PREX1: variants seen among roughly 807,000 people sequenced by gnomAD.
PREX1 encodes the protein phosphatidylinositol-3,4,5-trisphosphate dependent Rac exchange factor 1, also known as phosphatidylinositol 3,4,5-trisphosphate-dependent Rac exchanger 1 protein.
Under a neutral mutation model 198.3 loss-of-function variants are expected in PREX1, and 41 were observed. The ratio of observed to expected loss-of-function variants is 0.21; its 90% CI spans 0.16 to 0.27. PREX1 has a LOEUF of 0.27. PREX1 is among the 10% of genes least tolerant of loss of function. PREX1 has a pLI of 1.00. For synonymous variants in PREX1, 843 were observed against 887.2 expected, an observed-to-expected ratio of 0.95 and a Z score of 0.89; for missense variants, 1,620 against 2,200.7, an observed-to-expected ratio of 0.74 and a Z score of 5.28.
chr20:48,813,004 G>T (rs901336811), intron 1 of PREX1, among the ~76,000 whole-genome samples: 3 of 152,236 alleles, frequency 2.0e-5, no homozygotes, highest in Admixed American at 2.0e-4. Flanking sequence ...TTTCTAAAAT[G>T]AGCGCAGTAA....
chr20:48,674,120 C>A (rs1288937302), intron 14 of PREX1, among the ~76,000 whole-genome samples: 1 of 152,176 alleles, frequency 6.6e-6, no homozygotes, highest in African/African-American at 2.4e-5. Context: ...AGCAGCTCTG[C>A]CCTTCACAGA....
chr20:48,837,010 G>C, the PREX1 span, among the ~76,000 whole-genome samples: 9 of 151,884 alleles, frequency 5.9e-5, 1 homozygote, highest in Non-Finnish European at 1.2e-4. Context: ...AAGTGAAAAG[G>C]AGTTCCTTCC....
At chr20:48,743,646 A>G (rs2090092655) in intron 3 of PREX1, among the ~76,000 whole-genome samples, 1 of 152,260 alleles carries the variant, frequency 6.6e-6, no homozygotes, top group Non-Finnish European at 1.5e-5. Flanking sequence ...CTGTGCCAGG[A>G]GCTGCACTGA....
At chr20:48,828,438 G>T (rs191216833), upstream of PREX1, among the ~76,000 whole-genome samples, 1 of 152,228 alleles carries the variant, frequency 6.6e-6, no homozygotes, top group East Asian at 1.9e-4. Context: ...TAAACACCGG[G>T]CTGGGAAAGC....
At chr20:48,626,535 G>T (rs2089273888) in intron 39 of PREX1, among the ~76,000 whole-genome samples, 1 of 152,238 alleles carries the variant, frequency 6.6e-6, no homozygotes, top group African/African-American at 2.4e-5. Flanking sequence ...GGCTCACAGG[G>T]CAGCTGTTTG....
At chr20:48,785,382 A>G (rs774029470) in intron 1 of PREX1, among the ~76,000 whole-genome samples, 1 of 152,134 alleles carries the variant, frequency 6.6e-6, no homozygotes, top group Non-Finnish European at 1.5e-5. Context: ...CCCAGAGGAC[A>G]CCTTTAGGGC....
intron 1 of PREX1, among the ~76,000 whole-genome samples, chr20:48,818,895 C>T (rs556356448): frequency 6.6e-6 from 1 of 152,318 alleles, no homozygotes; most frequent in African/African-American, 2.4e-5. Flanking sequence ...GATGGGGGCC[C>T]AAACTCCTCT....
intron 5 of PREX1, among the ~76,000 whole-genome samples, chr20:48,710,599 T>C (rs1219685098): frequency 6.6e-6 from 1 of 152,196 alleles, no homozygotes; most frequent in Non-Finnish European, 1.5e-5. Context: ...GACTCCAGAG[T>C]TTGTGCTCTA....
intron 1 of PREX1, among the ~76,000 whole-genome samples, chr20:48,791,852 T>C (rs1268694326): frequency 2.0e-5 from 3 of 152,210 alleles, no homozygotes; most frequent in Non-Finnish European, 4.4e-5. Flanking sequence ...AGTGATTTCA[T>C]ACCAAAAACT....
intron 1 of PREX1, among the ~76,000 whole-genome samples, chr20:48,761,407 C>G (rs921553749): frequency 6.6e-6 from 1 of 152,208 alleles, no homozygotes; most frequent in Non-Finnish European, 1.5e-5. Flanking sequence ...ACCCAGCACA[C>G]AGCAGACCCT....
At chr20:48,632,757 G>T in intron 33 of PREX1, 118 bp from the exon 34 acceptor site, 1 of 1,135,160 alleles carries the variant, frequency 8.8e-7, no homozygotes, top group Non-Finnish European at 1.3e-6. Flanking sequence ...GGGGCACCCT[G>T]GGACCTCCCT....
chr20:48,701,272 C>A (rs1316023550), intron 6 of PREX1, among the ~76,000 whole-genome samples: 4 of 152,110 alleles, frequency 2.6e-5, no homozygotes, highest in African/African-American at 4.8e-5. Context: ...AGTGCAATGG[C>A]GCGATCTCGG....
chr20:48,832,300 A>G (rs1311373563), upstream of PREX1, among the ~76,000 whole-genome samples: 2 of 152,210 alleles, frequency 1.3e-5, no homozygotes, highest in Non-Finnish European at 2.9e-5. Flanking sequence ...GCTTGGAAAC[A>G]TCAGAGTTTC....
Position 48,625,625 on chromosome 20 carries a change from G to C in PREX1, c.*260C>G, listed in dbSNP as rs2089264842. The C allele has an allele frequency of 2.1e-6, 1 of 478,008 alleles. No homozygotes were observed. Among genetic ancestry groups the C allele is most frequent in the Admixed American group, 4.3e-5 (1 of 23,478 alleles). The allele number at this position is 478,008 out of a possible 1,614,324, so 29.6% of individuals were successfully genotyped here. On this transcript the variant is annotated 3_prime_UTR_variant, in exon 40 of 40. Coordinates refer to ENST00000371941, the MANE Select transcript of PREX1 (RefSeq NM_020820.4). The stretch of plus-strand genomic sequence containing the variant: ...GGCCAGGCACCAGCTGCTCCCATCA[G>C]CTCTATGGGTCTCCAGCACCCCTCC...
intron 4 of PREX1, among the ~76,000 whole-genome samples, chr20:48,727,916 G>A (rs2090017010): frequency 6.6e-6 from 1 of 152,188 alleles, no homozygotes; most frequent in Non-Finnish European, 1.5e-5. Flanking sequence ...TTGTTTGGCA[G>A]GAACCATGAG....
intron 25 of PREX1, 105 bp downstream of exon 25, chr20:48,649,195 A>G: frequency 6.8e-7 from 1 of 1,469,258 alleles, no homozygotes; most frequent in South Asian, 1.3e-5. Context: ...TGTCCAGGAC[A>G]GCCCACCCCC....
chr20:48,644,833 GCT>G (rs2089439280), intron 26 of PREX1, among the ~76,000 whole-genome samples: 2 of 152,210 alleles, frequency 1.3e-5, no homozygotes, highest in South Asian at 4.1e-4. Context: ...ATTCCACAGG[GCT>G]CTGTCTTCCG....
In PREX1 at chr20:48,657,130, A is replaced by C; in HGVS notation, c.2033T>G (p.Leu678Arg). The change falls in exon 18 of 40, where the codon CTG becomes CGG. Residue 678 changes from leucine (L) to arginine (R), a missense_variant. By Grantham distance (102) the Leu-to-Arg change is moderately radical. This residue lies in a region of PREX1 where 488 missense variants were observed against 802.5 expected (regional missense o/e 0.61). Coordinates refer to ENST00000371941, the MANE Select transcript of PREX1 (RefSeq NM_020820.4). ...GGACTCCACCTCTGAAAACGGCCGC[A>C]GGAACACCAGGTCCTCATTGATGGA... ...IYSINEDLVF[L>R]RPFSEVESIL... The C allele has an allele frequency of 6.2e-7, 1 of 1,613,024 alleles. No individual in the cohort carries two copies. The highest frequency in any genetic ancestry group is 1.1e-5 in the South Asian group (1 of 90,704).
chr20:48,636,334 C>T (rs973575449), intron 32 of PREX1, 129 bp downstream of exon 32: 1 of 985,872 alleles, frequency 1.0e-6, no homozygotes, highest in Non-Finnish European at 1.5e-6. Context: ...AGGTGCTCAA[C>T]AAATAGCTGC....
Sources: allele counts gnomAD v4.1 joint callset (sites outside exome capture counted in the v4.1 genomes callset), GRCh38; gene constraint gnomAD v4.1.1; regional missense constraint gnomAD v4.1.1; transcripts MANE v1.5; gene names NCBI Gene and HGNC (gene_info 2026-07-23, HGNC 2026-07-21).